Variants in RASGRP3 observed in about 807,000 individuals in gnomAD.
The protein encoded by RASGRP3 is ras guanyl-releasing protein 3.
A neutral mutation model predicts 82.7 loss-of-function variants in RASGRP3; 54 were observed. That is an observed-to-expected ratio of 0.65 (90% CI 0.52 to 0.82). The LOEUF is 0.82. Ranked by LOEUF, RASGRP3 falls within the 40% of genes least tolerant of loss-of-function variation. The pLI is 0.00. For synonymous variants in RASGRP3, 309 were observed against 300.5 expected, an observed-to-expected ratio of 1.03 and a Z score of -0.29; for missense variants, 861 against 828.9, an observed-to-expected ratio of 1.04 and a Z score of -0.48.
intron 1 of RASGRP3, among the ~76,000 whole-genome samples, chr2:33,498,214 A>C (rs1443797723): frequency 3.9e-5 from 6 of 152,224 alleles, no homozygotes; most frequent in African/African-American, 1.4e-4. Context: ...GCAGTTAATA[A>C]GCACTTTACC....
chr2:33,535,594 A>C (rs1328550657), intron 11 of RASGRP3, among the ~76,000 whole-genome samples: 1 of 152,238 alleles, frequency 6.6e-6, no homozygotes, highest in Non-Finnish European at 1.5e-5. Flanking sequence ...CTTGAGCCTG[A>C]GTCAGCTGAC....
intron 13 of RASGRP3, among the ~76,000 whole-genome samples, chr2:33,545,202 G>A (rs1674621621): frequency 6.6e-6 from 1 of 152,072 alleles, no homozygotes; most frequent in Admixed American, 6.6e-5. Flanking sequence ...TCTACTTATT[G>A]ATATCTATAG....
chr2:33,448,115 C>G (rs972524246), intron 2 of RASGRP3, among the ~76,000 whole-genome samples: 1 of 151,806 alleles, frequency 6.6e-6, no homozygotes, highest in African/African-American at 2.4e-5. Context: ...GAAGCTGTCA[C>G]CAGTCTTGAG....
At chr2:33,490,141 C>T (rs1211228522) in intron 1 of RASGRP3, among the ~76,000 whole-genome samples, 4 of 152,164 alleles carry the variant, frequency 2.6e-5, no homozygotes. Context: ...AACCCATTCT[C>T]TTCCCTTTGG....
chr2:33,493,054 G>A (rs1438130222), intron 1 of RASGRP3: 1 of 152,098 alleles, frequency 6.6e-6, no homozygotes, highest in Non-Finnish European at 1.5e-5. Context: ...TCTTCTTTAG[G>A]TGTTCATTTC....
intron 17 of RASGRP3, among the ~76,000 whole-genome samples, chr2:33,561,719 G>C (rs1490946918): frequency 6.6e-6 from 1 of 152,030 alleles, no homozygotes; most frequent in Non-Finnish European, 1.5e-5. Context: ...TGTAGTTAAA[G>C]ACTTTAGAAC....
intron 11 of RASGRP3, among the ~76,000 whole-genome samples, chr2:33,537,783 C>T (rs1305933302): frequency 6.6e-6 from 1 of 152,208 alleles, no homozygotes; most frequent in Non-Finnish European, 1.5e-5. Context: ...CCAGTCTTGG[C>T]TGGTCTCCTG....
In RASGRP3 at chr2:33,469,855, A is replaced by T. The variant is rs565573209; in HGVS notation, c.-261+21912A>T. 3.3e-5 allele frequency among the ~76,000 whole-genome samples: 5 copies of T among 152,320 alleles called. No homozygotes were observed. In the South Asian group the frequency reaches 1.0e-3, roughly 32 times the overall value. ...GCATCTTAATTTTTCCGAATAGTTA[A>T]TGATTTAACCTGTTTTTGAATAGTT... On this transcript the variant is annotated intron_variant, in intron 2 of 18. Coordinates refer to the RASGRP3 transcript ENST00000402538.
In RASGRP3 at chr2:33,562,654, A is replaced by G. The variant is rs368317791; in HGVS notation, c.2065-75A>G. ...AGATGTTCCCTCAAAGTCATCTGAAAAACTGCTTTCTAGGAACACTCTTAT... is the reference window on the plus strand; with the variant it reads ...AGATGTTCCCTCAAAGTCATCTGAAGAACTGCTTTCTAGGAACACTCTTAT... On this transcript the variant is annotated intron_variant, in intron 17 of 17. Transcript: ENST00000403687. 6.5e-6 allele frequency: 10 copies of G among 1,539,034 alleles called. No homozygotes were observed. In the African/African-American group the frequency reaches 1.4e-4, roughly 21 times the overall value.
At chr2:33,455,525 T>A (rs1413209421) in intron 2 of RASGRP3, among the ~76,000 whole-genome samples, 1 of 152,240 alleles carries the variant, frequency 6.6e-6, no homozygotes, top group Non-Finnish European at 1.5e-5. Flanking sequence ...ATGTCCATAG[T>A]TTCCTAGTAT....
At chr2:33,500,196 A>C (rs1230584253) in intron 1 of RASGRP3, among the ~76,000 whole-genome samples, 3 of 152,154 alleles carry the variant, frequency 2.0e-5, no homozygotes, top group African/African-American at 7.2e-5. Context: ...AAAGAGAGGA[A>C]AAAGGAGGGA....
rs1384372699 is a variant in RASGRP3, at chr2:33,543,442, T to C, written c.1279-70T>C. On this transcript the variant is annotated intron_variant, in intron 12 of 17. Coordinates refer to ENST00000403687, the MANE Select transcript of RASGRP3 (RefSeq NM_001139488.2). Reference sequence around the variant, plus strand: ...AGAAAGGATCATATGCTAGTTATCGTTGCTTTTGCAATAACAAGTTCAGAG... The same window carrying C: ...AGAAAGGATCATATGCTAGTTATCGCTGCTTTTGCAATAACAAGTTCAGAG... The C allele has an allele frequency of 1.0e-5, 9 of 902,100 alleles. 1 individual carries two copies. In the Admixed American group the frequency reaches 1.0e-4, roughly 10 times the overall value. 55.9% of individuals were successfully genotyped at this position (902,100 alleles called of 1,614,324 possible).
chr2:33,436,694 A>C (rs1472385099), intron 1 of RASGRP3: 1 of 152,246 alleles, frequency 6.6e-6, no homozygotes, highest in Non-Finnish European at 1.5e-5. Flanking sequence ...TCCGATCCTC[A>C]TGTAACTTTT....
At chr2:33,549,468 T>G in intron 13 of RASGRP3, 136 bp from the exon 14 acceptor site, 144 of 823,414 alleles carry the variant, frequency 1.7e-4, no homozygotes, top group Non-Finnish European at 2.5e-4. Context: ...GCTCCTTCTC[T>G]GAGATGTAAT....
At chr2:33,551,430 G>T (rs1379796008) in intron 14 of RASGRP3, among the ~76,000 whole-genome samples, 1 of 152,214 alleles carries the variant, frequency 6.6e-6, no homozygotes, top group Non-Finnish European at 1.5e-5. Context: ...CGCTCCTACA[G>T]AGTGGGACCC....
intron 9 of RASGRP3, 71 bp from the exon 10 acceptor site, chr2:33,527,066 C>A: frequency 6.7e-7 from 1 of 1,502,198 alleles, no homozygotes; most frequent in South Asian, 1.3e-5. Context: ...TTCCTAGCCA[C>A]ACATTGCAGG....
intron 2 of RASGRP3, among the ~76,000 whole-genome samples, chr2:33,469,832 A>G (rs1437936233): frequency 6.6e-6 from 1 of 152,238 alleles, no homozygotes; most frequent in Non-Finnish European, 1.5e-5. Context: ...TAATGATTGC[A>G]TCTTAATTTT....
intron 4 of RASGRP3, among the ~76,000 whole-genome samples, chr2:33,519,497 C>A (rs185393141): frequency 8.5e-5 from 13 of 152,186 alleles, no homozygotes; most frequent in East Asian, 7.7e-4. Context: ...GTTCCCACTA[C>A]TAGGGAGGCT....
chr2:33,468,746 T>G (rs187092240), intron 2 of RASGRP3, among the ~76,000 whole-genome samples: 2 of 152,300 alleles, frequency 1.3e-5, no homozygotes, highest in African/African-American at 4.8e-5. Flanking sequence ...CTTATGAATA[T>G]GTTCTAATTT....
Sources: gnomAD v4.1 joint callset for allele counts (sites outside exome capture counted in the v4.1 genomes callset) on GRCh38, gnomAD v4.1.1 for gene constraint, MANE v1.5 for transcripts, NCBI Gene and HGNC (gene_info 2026-07-23, HGNC 2026-07-21) for gene names.